Variants in CTNNA3 observed in about 807,000 individuals in gnomAD.
The protein encoded by CTNNA3 is catenin alpha-3.
In CTNNA3, 76 loss-of-function variants were observed where a neutral mutation model predicts 95.7. That is an observed-to-expected ratio of 0.79 (90% CI 0.66 to 0.96). CTNNA3 has a LOEUF of 0.96. CTNNA3 is among the 40% of genes least tolerant of loss of function. The pLI is 0.00. For missense variants in CTNNA3, 1,191 were observed against 1,089.8 expected, an observed-to-expected ratio of 1.09 and a Z score of -1.31; for synonymous variants, 431 against 374.4, an observed-to-expected ratio of 1.15 and a Z score of -1.74.
At chr10:66,428,951 C>T (rs1017116018) in intron 11 of CTNNA3, among the ~76,000 whole-genome samples, 9 of 151,878 alleles carry the variant, frequency 5.9e-5, no homozygotes, top group Non-Finnish European at 5.9e-5. Flanking sequence ...TTCAAAAAAT[C>T]AATGAATTCA....
chr10:66,290,143 G>A (rs2091655805), intron 12 of CTNNA3, among the ~76,000 whole-genome samples: 1 of 152,000 alleles, frequency 6.6e-6, no homozygotes, highest in Non-Finnish European at 1.5e-5. Flanking sequence ...ATAATACGAT[G>A]TGTGAATAAA....
intron 3 of CTNNA3, among the ~76,000 whole-genome samples, chr10:67,583,917 T>C (rs1023329991): frequency 6.6e-6 from 1 of 152,210 alleles, no homozygotes; most frequent in Non-Finnish European, 1.5e-5. Flanking sequence ...TATCAGGTCA[T>C]TTAAGGTCTT....
intron 13 of CTNNA3, among the ~76,000 whole-genome samples, chr10:66,226,240 A>T (rs11816008): frequency 0.024 from 3,714 of 152,208 alleles, 101 homozygotes; most frequent in African/African-American, 0.066. Context: ...ATAGTGAGAG[A>T]TAGAGATCTA....
At chr10:66,951,688 T>C (rs1848548090) in intron 7 of CTNNA3, among the ~76,000 whole-genome samples, 1 of 152,210 alleles carries the variant, frequency 6.6e-6, no homozygotes, top group Admixed American at 6.5e-5. Flanking sequence ...CTGAATGTGA[T>C]TTATTTTTTT....
intron 10 of CTNNA3, among the ~76,000 whole-genome samples, chr10:66,599,436 T>C (rs75154791): frequency 0.024 from 3,606 of 152,082 alleles, 87 homozygotes; most frequent in South Asian, 0.056. Flanking sequence ...ATGGCTGTAC[T>C]ATTCCCTTCA....
At chr10:67,030,156 GCAC>G (rs1196769718) in intron 7 of CTNNA3, among the ~76,000 whole-genome samples, 1 of 152,168 alleles carries the variant, frequency 6.6e-6, no homozygotes, top group Non-Finnish European at 1.5e-5. Flanking sequence ...TTGTGCTAAA[GCAC>G]CAGTTGGATG....
intron 13 of CTNNA3, among the ~76,000 whole-genome samples, chr10:66,157,663 C>A (rs1319488264): frequency 2.0e-5 from 3 of 151,854 alleles, no homozygotes; most frequent in Admixed American, 6.6e-5. Flanking sequence ...ATAATGATTT[C>A]TTTTCCTCTG....
At chr10:67,759,543 T>G (rs1361630872) in intron 1 of CTNNA3, among the ~76,000 whole-genome samples, 1 of 152,212 alleles carries the variant, frequency 6.6e-6, no homozygotes, top group Non-Finnish European at 1.5e-5. Context: ...TTGGCCTAGC[T>G]TGAATTGTGT....
At chr10:66,606,761 A>G (rs1844137429) in intron 10 of CTNNA3, among the ~76,000 whole-genome samples, 1 of 152,282 alleles carries the variant, frequency 6.6e-6, no homozygotes, top group South Asian at 2.1e-4. Flanking sequence ...CATCTCTGGG[A>G]CACAGCTAAG....
chr10:67,066,863 A>C (rs1490214517), intron 7 of CTNNA3, among the ~76,000 whole-genome samples: 1 of 152,202 alleles, frequency 6.6e-6, no homozygotes, highest in Non-Finnish European at 1.5e-5. Context: ...ATCTGCCTTT[A>C]ATTTAATTTT....
intron 7 of CTNNA3, among the ~76,000 whole-genome samples, chr10:66,787,285 A>T (rs1379075236): frequency 6.6e-5 from 10 of 151,874 alleles, no homozygotes; most frequent in Non-Finnish European, 5.9e-5. Context: ...AAATGTTACT[A>T]TTGGTGGTGT....
intron 9 of CTNNA3, among the ~76,000 whole-genome samples, chr10:66,680,951 C>T (rs1404766513): frequency 6.6e-6 from 1 of 152,126 alleles, no homozygotes; most frequent in African/African-American, 2.4e-5. Flanking sequence ...TATCTCTACT[C>T]TTGGCAAATA....
At chr10:66,117,157 G>T (rs548668249) in intron 13 of CTNNA3, among the ~76,000 whole-genome samples, 1 of 152,242 alleles carries the variant, frequency 6.6e-6, no homozygotes, top group East Asian at 1.9e-4. Flanking sequence ...TTTTGGGTTT[G>T]ATATATGGGT....
Position 66,356,117 on chromosome 10 carries a change from GTTTTGTTT to G in CTNNA3, c.1732+23027_1732+23034del, listed in dbSNP as rs1253802350. ...GTGGATGCTCCAAATTTGTTTGCTT[GTTTTGTTT>G]TTTTTTTTTTTTTTTTGGCTATTCT... On this transcript the variant is annotated intron_variant, in intron 12 of 17. Transcript: ENST00000433211. Among the ~76,000 whole-genome samples, 208 of 104,714 alleles carry G rather than the reference GTTTTGTTT, an allele frequency of 2.0e-3. 1 individual carries two copies. The highest frequency in any genetic ancestry group is 7.6e-3 in the African/African-American group (197 of 25,830). The allele number at this position is 104,714 out of a possible 152,430, so 68.7% of individuals were successfully genotyped here. A position where few individuals can be genotyped will look rare whatever the true frequency, so the allele number is the denominator to read the frequency against.
At chr10:67,115,088 T>C (rs1300162975) in intron 7 of CTNNA3, among the ~76,000 whole-genome samples, 1 of 152,136 alleles carries the variant, frequency 6.6e-6, no homozygotes, top group Non-Finnish European at 1.5e-5. Flanking sequence ...TGGAGCCACT[T>C]TGGTCCCTAC....
chr10:66,671,202 T>C (rs1455238006), intron 9 of CTNNA3, among the ~76,000 whole-genome samples: 7 of 152,232 alleles, frequency 4.6e-5, no homozygotes, highest in Non-Finnish European at 1.5e-5. Flanking sequence ...TTCTGGAAAT[T>C]AACCCCATAA....
intron 13 of CTNNA3, among the ~76,000 whole-genome samples, chr10:66,151,927 T>C (rs547787044): frequency 1.3e-5 from 2 of 152,096 alleles, no homozygotes; most frequent in South Asian, 2.1e-4. Context: ...AACACATAGA[T>C]TGAATGCTAT....
intron 1 of CTNNA3, among the ~76,000 whole-genome samples, chr10:67,729,446 C>T (rs1287009585): frequency 6.6e-6 from 1 of 152,012 alleles, no homozygotes; most frequent in African/African-American, 2.4e-5. Flanking sequence ...CATCCCAAAA[C>T]AAAAACAATA....
intron 4 of CTNNA3, among the ~76,000 whole-genome samples, chr10:67,532,179 T>A (rs994404354): frequency 1.1e-4 from 16 of 152,212 alleles, no homozygotes; most frequent in Non-Finnish European, 5.9e-5. Context: ...TTTCTTTACA[T>A]CTTAATATGC....
Sources: allele counts gnomAD v4.1 joint callset (sites outside exome capture counted in the v4.1 genomes callset), GRCh38; gene constraint gnomAD v4.1.1; transcripts MANE v1.5; gene names NCBI Gene and HGNC (gene_info 2026-07-23, HGNC 2026-07-21).